The following RBFOX1 variants were observed in gnomAD, a reference collection of about 807,000 sequenced individuals.
RBFOX1 encodes RNA binding fox-1 homolog 1.
A neutral mutation model predicts 57.7 loss-of-function variants in RBFOX1; 8 were observed. The ratio of observed to expected loss-of-function variants is 0.14; its 90% CI spans 0.08 to 0.25. The LOEUF (loss-of-function observed/expected upper bound fraction) is 0.25. RBFOX1 is among the 10% of genes least tolerant of loss of function. The pLI is 1.00. For synonymous variants in RBFOX1, 326 were observed against 222.4 expected, an observed-to-expected ratio of 1.47 and a Z score of -4.15; for missense variants, 611 against 548.5, an observed-to-expected ratio of 1.11 and a Z score of -1.14.
chr16:7,455,421 G>A (rs567422277), intron 4 of RBFOX1, among the ~76,000 whole-genome samples: 22 of 152,136 alleles, frequency 1.4e-4, no homozygotes, highest in Non-Finnish European at 2.6e-4. Flanking sequence ...GAATATAACA[G>A]CTCCCAGAGT....
At chr16:6,469,034 A>AT (rs1294785363) in intron 2 of RBFOX1, among the ~76,000 whole-genome samples, 5 of 152,072 alleles carry the variant, frequency 3.3e-5, no homozygotes, top group South Asian at 2.1e-4. Flanking sequence ...TGGTCAAGGC[A>AT]TTTTTTTCTT....
At chr16:5,463,924 T>G (rs1391561708) in intron 1 of RBFOX1, among the ~76,000 whole-genome samples, 2 of 152,192 alleles carry the variant, frequency 1.3e-5, no homozygotes, top group African/African-American at 4.8e-5. Context: ...CAAATTGTGT[T>G]CAGCAGAACA....
Position 5,291,394 on chromosome 16 carries a change from C to G in RBFOX1, c.219+51289C>G, listed in dbSNP as rs1169176836. ...TCTCCTGCCTCAGCCTCCCGAGTAG[C>G]TGGGACTACAGGCACCCGCCACCAC... is the stretch of plus-strand genomic sequence containing the variant. On this transcript the variant is annotated intron_variant, in intron 1 of 2. Coordinates refer to the RBFOX1 transcript ENST00000585867. Among the ~76,000 whole-genome samples, 6 of 151,652 alleles carry G rather than the reference C, an allele frequency of 4.0e-5. No individual in the cohort carries two copies. The South Asian group carries it at 8.3e-4, about 21-fold the overall frequency.
At chr16:6,857,804 GCA>G (rs2058182321) in intron 3 of RBFOX1, among the ~76,000 whole-genome samples, 1 of 152,174 alleles carries the variant, frequency 6.6e-6, no homozygotes, top group South Asian at 2.1e-4. Flanking sequence ...TTTAGCCCAA[GCA>G]GTGCCTGTTT....
At chr16:7,024,525 C>G (rs565036041) in intron 3 of RBFOX1, among the ~76,000 whole-genome samples, 14 of 152,156 alleles carry the variant, frequency 9.2e-5, no homozygotes, top group African/African-American at 2.9e-4. Context: ...TGCAAAAATT[C>G]TTTGTAGATG....
intron 2 of RBFOX1, among the ~76,000 whole-genome samples, chr16:5,486,275 C>G (rs2042625458): frequency 6.6e-6 from 1 of 152,120 alleles, no homozygotes; most frequent in African/African-American, 2.4e-5. Flanking sequence ...CTGAAACTAC[C>G]CGTGAAGAAG....
chr16:6,193,333 CA>C (rs1051393197), intron 1 of RBFOX1, among the ~76,000 whole-genome samples: 1 of 105,492 alleles, frequency 9.5e-6, no homozygotes, highest in African/African-American at 3.0e-5. Flanking sequence ...CCCCAGTGTC[CA>C]TATTCTTTAC....
chr16:5,501,807 G>A (rs984550934), intron 2 of RBFOX1, among the ~76,000 whole-genome samples: 1 of 152,074 alleles, frequency 6.6e-6, no homozygotes, highest in Non-Finnish European at 1.5e-5. Flanking sequence ...TCAAACTCCT[G>A]GGCTCAAGTG....
intron 1 of RBFOX1, among the ~76,000 whole-genome samples, chr16:6,122,937 T>A: frequency 6.9e-6 from 1 of 145,050 alleles, no homozygotes; most frequent in African/African-American, 2.5e-5. Flanking sequence ...AGTAGAAAAA[T>A]AAAACAATTT....
At chr16:7,187,015 A>G (rs1027233758) in intron 4 of RBFOX1, among the ~76,000 whole-genome samples, 20 of 149,170 alleles carry the variant, frequency 1.3e-4, no homozygotes, top group Non-Finnish European at 2.5e-4. Flanking sequence ...AAAAAAAAAA[A>G]AAATTCAGAA....
chr16:5,552,790 C>T (rs1294756114), intron 2 of RBFOX1, among the ~76,000 whole-genome samples: 2 of 152,120 alleles, frequency 1.3e-5, no homozygotes, highest in Admixed American at 6.5e-5. Flanking sequence ...GAAGTCCCTG[C>T]TGCTAAACAA....
rs183604337 is a variant in RBFOX1 at position 6,323,869 on chromosome 16, T to C, written c.-64+6812T>C. Among the ~76,000 whole-genome samples, 4 of 152,228 alleles carry C rather than the reference T, an allele frequency of 2.6e-5. No homozygotes were observed. In the East Asian group the frequency reaches 5.8e-4, roughly 22 times the overall value. The stretch of plus-strand genomic sequence containing the variant: ...CTCACTGCAACCTACATCTCCAAGA[T>C]TCAAGCTATTCTTGTGCCTCAGCCT... On this transcript the variant is annotated intron_variant, in intron 2 of 15. Coordinates refer to ENST00000550418, the MANE Select transcript of RBFOX1 (RefSeq NM_018723.4).
At chr16:6,412,041 A>G (rs1318509796) in intron 2 of RBFOX1, among the ~76,000 whole-genome samples, 2 of 152,048 alleles carry the variant, frequency 1.3e-5, no homozygotes, top group Admixed American at 1.3e-4. Context: ...CTGAGGCAGG[A>G]AAATTGCTTG....
At chr16:6,897,881 A>G (rs1316047396) in intron 3 of RBFOX1, among the ~76,000 whole-genome samples, 2 of 152,058 alleles carry the variant, frequency 1.3e-5, no homozygotes, top group Non-Finnish European at 2.9e-5. Flanking sequence ...TTCATACCCT[A>G]TATCCCCAAT....
intron 3 of RBFOX1, chr16:6,705,497 C>T (rs1023139715): frequency 2.0e-4 from 30 of 152,260 alleles, no homozygotes; most frequent in African/African-American, 7.2e-4. Context: ...AGCCACAACC[C>T]CCCAGCAGCA....
At chr16:7,454,811 T>C (rs2058159680) in intron 4 of RBFOX1, among the ~76,000 whole-genome samples, 1 of 152,214 alleles carries the variant, frequency 6.6e-6, no homozygotes, top group South Asian at 2.1e-4. Flanking sequence ...CTTGACCTTC[T>C]GGGTCCTGGG....
rs576418967 is a variant in RBFOX1, at chr16:7,548,163, G to A, written c.270+29774G>A. ...ATTCACGTCATATTCTTTCTTACTC[G>A]TTTTTCATATTTTATTTTTACTTTT... On this transcript the variant is annotated intron_variant, in intron 5 of 15. Coordinates refer to ENST00000550418, the MANE Select transcript of RBFOX1 (RefSeq NM_018723.4). Among the ~76,000 whole-genome samples, 98 of 152,166 alleles carry A rather than the reference G, an allele frequency of 6.4e-4. 1 individual carries two copies. The highest frequency in any genetic ancestry group is 2.2e-3 in the African/African-American group (92 of 41,518).
intron 4 of RBFOX1, among the ~76,000 whole-genome samples, chr16:7,149,807 A>G (rs146799102): frequency 3.3e-5 from 5 of 152,122 alleles, no homozygotes; most frequent in Admixed American, 1.3e-4. Flanking sequence ...GTCTAGCCAC[A>G]TTGCTTCCTA....
At chr16:5,764,489 A>C (rs1161676959) in intron 3 of RBFOX1, among the ~76,000 whole-genome samples, 4 of 152,154 alleles carry the variant, frequency 2.6e-5, no homozygotes, top group Non-Finnish European at 2.9e-5. Context: ...TAAATTACCC[A>C]GGCTCAGGTG....
Sources: gnomAD v4.1 joint callset for allele counts (sites outside exome capture counted in the v4.1 genomes callset) on GRCh38, gnomAD v4.1.1 for gene constraint, MANE v1.5 for transcripts, NCBI Gene and HGNC (gene_info 2026-07-23, HGNC 2026-07-21) for gene names.